The following CDK14 variants were observed in gnomAD, a reference collection of about 807,000 sequenced individuals.
The protein encoded by CDK14 is cyclin dependent kinase 14.
CDK14 carries 34 observed loss-of-function variants against 60.7 expected under a neutral mutation model. The observed-to-expected ratio is 0.56, with a 90% CI of 0.43 to 0.75. The LOEUF (loss-of-function observed/expected upper bound fraction) is 0.75, where lower values mean the gene tolerates loss of function less well. CDK14 is among the 30% of genes least tolerant of loss of function. CDK14 has a pLI of 0.00. For missense variants in CDK14, 482 were observed against 564.1 expected (o/e 0.85, Z 1.47); for synonymous variants, 197 against 203.7 (o/e 0.97, Z 0.28).
intron 2 of CDK14, among the ~76,000 whole-genome samples, chr7:90,679,418 T>C (rs917933539): frequency 6.6e-6 from 1 of 152,222 alleles, no homozygotes; most frequent in African/African-American, 2.4e-5. Flanking sequence ...TCTATGTGTG[T>C]TTGATAATAA....
At chr7:90,603,783 TC>T (rs1393313363) in intron 1 of CDK14, among the ~76,000 whole-genome samples, 2 of 152,230 alleles carry the variant, frequency 1.3e-5, no homozygotes, top group Non-Finnish European at 2.9e-5. Flanking sequence ...CACTTACACT[TC>T]ACTTAGTATG....
At chr7:90,963,992 G>A (rs1406113320) in intron 9 of CDK14, among the ~76,000 whole-genome samples, 1 of 152,062 alleles carries the variant, frequency 6.6e-6, no homozygotes, top group East Asian at 1.9e-4. Flanking sequence ...GGGATTACAG[G>A]CGTGAGCCAC....
intron 2 of CDK14, among the ~76,000 whole-genome samples, chr7:90,675,265 C>G (rs1034910803): frequency 6.6e-6 from 1 of 152,134 alleles, no homozygotes; most frequent in African/African-American, 2.4e-5. Context: ...TGTGCCACAG[C>G]TGCTGTTTTA....
chr7:90,825,393 A>T (rs951855949), intron 5 of CDK14, among the ~76,000 whole-genome samples: 9 of 152,218 alleles, frequency 5.9e-5, no homozygotes, highest in African/African-American at 1.2e-4. Context: ...TATAAAGGAG[A>T]GTTATACTCA....
At chr7:90,838,227 T>G (rs974357818) in intron 5 of CDK14, among the ~76,000 whole-genome samples, 2 of 152,240 alleles carry the variant, frequency 1.3e-5, no homozygotes, top group African/African-American at 2.4e-5. Flanking sequence ...GAAGATTTCA[T>G]GGACATTTAT....
Position 90,646,570 on chromosome 7 carries a change from G to A in CDK14, c.123+42321G>A, listed in dbSNP as rs970431147. 7.2e-5 allele frequency among the ~76,000 whole-genome samples: 11 copies of A among 152,094 alleles called. No homozygotes were observed. The South Asian group carries it at 1.2e-3, about 17-fold the overall frequency. On this transcript the variant is annotated intron_variant, in intron 2 of 14. Transcript: ENST00000380050. ...TTTTCCTCATGCTCCCAAGTCTCTG[G>A]TTACCCTTTTTAGAGATAACTATGA...
At chr7:91,131,964 C>A (rs921879578) in intron 14 of CDK14, among the ~76,000 whole-genome samples, 1 of 151,726 alleles carries the variant, frequency 6.6e-6, no homozygotes, top group Non-Finnish European at 1.5e-5. Flanking sequence ...ACCAACTCAC[C>A]ATACACCAAT....
At chr7:91,143,238 C>T (rs930118491) in intron 14 of CDK14, among the ~76,000 whole-genome samples, 1 of 152,124 alleles carries the variant, frequency 6.6e-6, no homozygotes, top group Non-Finnish European at 1.5e-5. Context: ...GAAATGTAAT[C>T]GCCTCAAAAA....
chr7:90,665,283 CATAAATAA>C (rs58390868), intron 2 of CDK14, among the ~76,000 whole-genome samples: 6 of 150,172 alleles, frequency 4.0e-5, no homozygotes, highest in South Asian at 2.1e-4. Flanking sequence ...GACACTGTCT[CATAAATAA>C]ATAAATAAAT....
intron 14 of CDK14, among the ~76,000 whole-genome samples, chr7:91,156,551 G>C (rs1336308170): frequency 6.6e-6 from 1 of 151,968 alleles, no homozygotes; most frequent in Non-Finnish European, 1.5e-5. Flanking sequence ...ATGAGTTATC[G>C]GAACTGAAAA....
intron 2 of CDK14, among the ~76,000 whole-genome samples, chr7:90,655,599 ATTG>A (rs1563032802): frequency 6.6e-6 from 1 of 152,200 alleles, no homozygotes; most frequent in East Asian, 1.9e-4. Flanking sequence ...CAAGTATAAA[ATTG>A]TTATCTGTTT....
chr7:90,751,098 G>A (rs1186231350), intron 4 of CDK14, among the ~76,000 whole-genome samples: 3 of 151,952 alleles, frequency 2.0e-5, no homozygotes, highest in African/African-American at 7.3e-5. Context: ...TAAACAACCT[G>A]GAAAACATAT....
At chr7:90,634,312 A>G (rs1438317063) in intron 2 of CDK14, among the ~76,000 whole-genome samples, 1 of 112,920 alleles carries the variant, frequency 8.9e-6, no homozygotes, top group Non-Finnish European at 1.7e-5. Flanking sequence ...CAGTCCCCAG[A>G]GTGTGATGTT....
intron 1 of CDK14, chr7:90,597,391 A>C (rs542916236): frequency 6.6e-6 from 1 of 152,394 alleles, no homozygotes; most frequent in South Asian, 2.1e-4. Flanking sequence ...CAACAAACCA[A>C]CTGACCAACA....
chr7:91,054,657 G>C (rs1383210507), intron 11 of CDK14, among the ~76,000 whole-genome samples: 1 of 152,146 alleles, frequency 6.6e-6, no homozygotes, highest in African/African-American at 2.4e-5. Flanking sequence ...CTTTACATCT[G>C]CTTATGAGCT....
At chr7:90,828,298 A>C (rs1199841083) in intron 5 of CDK14, among the ~76,000 whole-genome samples, 1 of 152,238 alleles carries the variant, frequency 6.6e-6, no homozygotes, top group Non-Finnish European at 1.5e-5. Flanking sequence ...ATGTGGACCC[A>C]GCAGTATTCT....
intron 2 of CDK14, among the ~76,000 whole-genome samples, chr7:90,707,354 T>C (rs911938296): frequency 6.6e-6 from 1 of 152,062 alleles, no homozygotes; most frequent in Non-Finnish European, 1.5e-5. Context: ...GAATGCCTCT[T>C]ACCTCTGTTG....
In CDK14 at chr7:90,634,186, C is replaced by T. The variant is rs559318705; in HGVS notation, c.123+29937C>T. On this transcript the variant is annotated intron_variant, in intron 2 of 14. Coordinates refer to ENST00000380050, the MANE Select transcript of CDK14 (RefSeq NM_001287135.2). ...TTTTAGGGTACATGTGCACAATGTG[C>T]AGGTTAGTTACATATGTATAAATGT... Among the ~76,000 whole-genome samples, 7 of 151,366 alleles carry T rather than the reference C, an allele frequency of 4.6e-5. No homozygotes were observed. In the East Asian group the frequency reaches 1.4e-3, roughly 29 times the overall value.
At chr7:90,932,577 G>A (rs145018354) in intron 8 of CDK14, among the ~76,000 whole-genome samples, 180 of 152,252 alleles carry the variant, frequency 1.2e-3, no homozygotes, top group African/African-American at 3.9e-3. Context: ...ACTAGATTAA[G>A]AACAAATTTT....
Sources: allele counts gnomAD v4.1 joint callset (sites outside exome capture counted in the v4.1 genomes callset), GRCh38; gene constraint gnomAD v4.1.1; transcripts MANE v1.5; gene names NCBI Gene and HGNC (gene_info 2026-07-23, HGNC 2026-07-21).